The following FBXO4 variants were observed in gnomAD, a reference collection of about 807,000 sequenced individuals.
FBXO4 encodes the protein F-box only protein 4.
FBXO4 carries 36 observed loss-of-function variants against 43.7 expected under a neutral mutation model. The ratio of observed to expected loss-of-function variants is 0.82; its 90% CI spans 0.63 to 1.09. FBXO4 has a LOEUF of 1.09. FBXO4 is among the 50% of genes least tolerant of loss of function. The probability of loss-of-function intolerance (pLI) is 0.00; values close to 1 mark genes in which losing one functional copy is unlikely to be tolerated. For missense variants in FBXO4, 435 were observed against 474.1 expected, an observed-to-expected ratio of 0.92 and a Z score of 0.77; for synonymous variants, 180 against 165.6, an observed-to-expected ratio of 1.09 and a Z score of -0.67.
chr5:41,958,693 C>T, the FBXO4 span, among the ~76,000 whole-genome samples: 1 of 152,154 alleles, frequency 6.6e-6, no homozygotes, highest in African/African-American at 2.4e-5. Flanking sequence ...ATAATGTACT[C>T]CAGGTTCATC....
chr5:41,977,392 C>T, the FBXO4 span, among the ~76,000 whole-genome samples: 29 of 152,160 alleles, frequency 1.9e-4, no homozygotes, highest in Non-Finnish European at 3.8e-4. Context: ...AACTTTAAGT[C>T]ATTTATTTGT....
At chr5:41,990,056 G>A in the FBXO4 span, among the ~76,000 whole-genome samples, 4 of 151,982 alleles carry the variant, frequency 2.6e-5, no homozygotes, top group East Asian at 1.9e-4. Context: ...CCTTTAATTC[G>A]TACAATAATA....
At chr5:41,935,478 A>C (rs115569868) in intron 5 of FBXO4, among the ~76,000 whole-genome samples, 1 of 152,220 alleles carries the variant, frequency 6.6e-6, no homozygotes, top group African/African-American at 2.4e-5. Context: ...CTGCTGTCTC[A>C]AGGGAGATAG....
At chr5:41,984,060 T>C in the FBXO4 span, among the ~76,000 whole-genome samples, 1 of 152,066 alleles carries the variant, frequency 6.6e-6, no homozygotes, top group Non-Finnish European at 1.5e-5. Flanking sequence ...TAAAACTATC[T>C]AGTATATAAA....
the FBXO4 span, among the ~76,000 whole-genome samples, chr5:42,037,913 C>T: frequency 6.6e-6 from 1 of 152,040 alleles, no homozygotes; most frequent in Non-Finnish European, 1.5e-5. Context: ...AGTACCCTGC[C>T]ATCATTAAAC....
At chr5:42,006,906 A>ATG in the FBXO4 span, among the ~76,000 whole-genome samples, 7 of 141,306 alleles carry the variant, frequency 5.0e-5, no homozygotes, top group African/African-American at 1.8e-4. Context: ...ATATATATAT[A>ATG]TATATATATA....
At chr5:41,987,920 C>T in the FBXO4 span, among the ~76,000 whole-genome samples, 1 of 152,152 alleles carries the variant, frequency 6.6e-6, no homozygotes, top group East Asian at 1.9e-4. Flanking sequence ...CCATATTAAT[C>T]ATAGTGGTTT....
the FBXO4 span, among the ~76,000 whole-genome samples, chr5:41,972,644 C>CA: frequency 5.9e-5 from 9 of 151,930 alleles, no homozygotes; most frequent in Admixed American, 2.0e-4. Context: ...AGAACAAAGC[C>CA]AGAGGCATCA....
chr5:41,990,801 A>G, the FBXO4 span, among the ~76,000 whole-genome samples: 1 of 152,268 alleles, frequency 6.6e-6, no homozygotes, highest in South Asian at 2.1e-4. Flanking sequence ...TTGGCTTTGG[A>G]CTTACTAATT....
intron 5 of FBXO4, among the ~76,000 whole-genome samples, chr5:41,936,243 G>T (rs1175052540): frequency 6.6e-6 from 1 of 152,174 alleles, no homozygotes; most frequent in Non-Finnish European, 1.5e-5. Context: ...CTCAGAAAGG[G>T]ACATTAAAAT....
chr5:41,930,899 G>A (rs1239232296), intron 3 of FBXO4, among the ~76,000 whole-genome samples: 2 of 152,048 alleles, frequency 1.3e-5, no homozygotes, highest in Non-Finnish European at 2.9e-5. Context: ...CTCGTGATCC[G>A]CCCACCTGGG....
In FBXO4 at chr5:41,934,205, TG is replaced by T; in HGVS notation, c.796del (p.Asp266MetfsTer10). 2 of 1,614,026 alleles carry T rather than the reference TG, an allele frequency of 1.2e-6. No individual in the cohort carries two copies. The highest frequency in any genetic ancestry group is 1.7e-6 in the Non-Finnish European group (2 of 1,179,972). ...NKMFSRHNEG[D>X]DQQGSRYSVI... ...AGATGTTCAGTCGACACAATGAAGG[TG>T]ATGATCAACAAGGAAGCCGGTACAG... On this transcript the variant is annotated frameshift_variant, in exon 5 of 7. Transcript: ENST00000281623. LOFTEE classifies it high-confidence loss of function.
At chr5:42,033,053 C>G in the FBXO4 span, among the ~76,000 whole-genome samples, 16,351 of 152,154 alleles carry the variant, frequency 0.11, 1,109 homozygotes, top group African/African-American at 0.18. Context: ...ACTTTGACTG[C>G]TGCCATATCA....
At chr5:42,001,191 T>C in the FBXO4 span, among the ~76,000 whole-genome samples, 1 of 152,090 alleles carries the variant, frequency 6.6e-6, no homozygotes. Flanking sequence ...ACAATATAAA[T>C]TCTTCAAATC....
downstream of FBXO4, among the ~76,000 whole-genome samples, chr5:41,943,669 C>G (rs1052696034): frequency 6.6e-6 from 1 of 151,996 alleles, no homozygotes; most frequent in Non-Finnish European, 1.5e-5. Flanking sequence ...CATATAAACT[C>G]TATCGCCACT....
At chr5:42,019,491 C>A in the FBXO4 span, among the ~76,000 whole-genome samples, 2 of 152,044 alleles carry the variant, frequency 1.3e-5, no homozygotes, top group Non-Finnish European at 2.9e-5. Context: ...GAGTTTGAGA[C>A]CAGCCTGGCC....
intron 1 of FBXO4, among the ~76,000 whole-genome samples, chr5:41,925,737 C>T (rs765891836): frequency 1.3e-4 from 20 of 152,080 alleles, no homozygotes; most frequent in East Asian, 5.8e-4. Context: ...TTCATGGGGC[C>T]CCTGGGGACC....
chr5:42,007,022 CTTA>C, the FBXO4 span, among the ~76,000 whole-genome samples: 5 of 148,464 alleles, frequency 3.4e-5, no homozygotes, highest in African/African-American at 1.2e-4. Flanking sequence ...GGATACAATA[CTTA>C]TTATGTGTTG....
chr5:42,015,974 C>T, the FBXO4 span, among the ~76,000 whole-genome samples: 1 of 152,038 alleles, frequency 6.6e-6, no homozygotes, highest in Admixed American at 6.6e-5. Flanking sequence ...CTTAGGGAGT[C>T]AGGGATGTCC....
Sources: allele counts gnomAD v4.1 joint callset (sites outside exome capture counted in the v4.1 genomes callset), GRCh38; gene constraint gnomAD v4.1.1; transcripts MANE v1.5; gene names NCBI Gene and HGNC (gene_info 2026-07-23, HGNC 2026-07-21).